ZFHX3: variants seen among roughly 807,000 people sequenced by gnomAD.
ZFHX3 encodes the protein zinc finger homeobox 3, also known as zinc finger homeobox protein 3.
Under a neutral mutation model 279.1 loss-of-function variants are expected in ZFHX3, and 42 were observed. That is an observed-to-expected ratio of 0.15 (90% CI 0.12 to 0.19). The LOEUF is 0.19. Among genes scored for constraint, ZFHX3 ranks in the 10% least tolerant of loss-of-function variants. The pLI, the probability that ZFHX3 is intolerant of heterozygous loss-of-function variation, is 1.00. For synonymous variants in ZFHX3, 2,293 were observed against 1,957.8 expected, an observed-to-expected ratio of 1.17 and a Z score of -4.52; for missense variants, 4,981 against 4,754.0, an observed-to-expected ratio of 1.05 and a Z score of -1.40.
chr16:72,955,527 C>G (rs940269439), intron 2 of ZFHX3, among the ~76,000 whole-genome samples: 2 of 152,144 alleles, frequency 1.3e-5, no homozygotes, highest in African/African-American at 4.8e-5. Context: ...GCCTGTAATC[C>G]CAGCACTTTG....
Position 72,996,292 on chromosome 16 carries a change from A to T in ZFHX3, c.-49-36098T>A, listed in dbSNP as rs61429525. On this transcript the variant is annotated intron_variant, in intron 1 of 9. Transcript: ENST00000268489. Reference sequence around the variant, plus strand: ...AGCAAGACTCCAACATAAAATAAATAAATTAATTAATTAATTCGTTCTTTT... The same window carrying T: ...AGCAAGACTCCAACATAAAATAAATTAATTAATTAATTAATTCGTTCTTTT... Among the ~76,000 whole-genome samples, 669 of 152,284 alleles carry T rather than the reference A, an allele frequency of 4.4e-3. 3 individuals are homozygous for T. Among genetic ancestry groups the T allele is most frequent in the African/African-American group, 0.014 (569 of 41,548 alleles).
At chr16:73,298,339 C>T (rs1292798087) in intron 4 of ZFHX3, among the ~76,000 whole-genome samples, 2 of 151,782 alleles carry the variant, frequency 1.3e-5, no homozygotes, top group Non-Finnish European at 2.9e-5. Context: ...TATGTGCCAC[C>T]ATGCCCGGCT....
intron 2 of ZFHX3, among the ~76,000 whole-genome samples, chr16:73,466,573 C>T: frequency 6.6e-6 from 1 of 152,140 alleles, no homozygotes; most frequent in East Asian, 1.9e-4. Flanking sequence ...TTTCTCTATG[C>T]CTCAGTTTTC....
intron 2 of ZFHX3, among the ~76,000 whole-genome samples, chr16:73,553,455 G>C (rs1051779723): frequency 6.6e-6 from 1 of 152,060 alleles, no homozygotes; most frequent in African/African-American, 2.4e-5. Context: ...GACAGAAAAC[G>C]ATCTCCCTTC....
chr16:73,577,724 T>C (rs2051815405), intron 2 of ZFHX3, among the ~76,000 whole-genome samples: 1 of 152,218 alleles, frequency 6.6e-6, no homozygotes, highest in Non-Finnish European at 1.5e-5. Flanking sequence ...GAAGGAAAAA[T>C]CTAAATTTTT....
rs974279133 is a variant in ZFHX3, at chr16:72,788,944, G to T, written c.9428-96C>A. ...CCGGTGTCACTGGCACACAGTTTGA[G>T]ATGTCAAGGCTTGAAGGATCCTCTC... On this transcript the variant is annotated intron_variant, in intron 9 of 9. Transcript: ENST00000268489. The T allele has an allele frequency of 8.8e-6, 13 of 1,477,816 alleles. No homozygotes were observed. In the African/African-American group the frequency reaches 1.3e-4, roughly 14 times the overall value. The allele number at this position is 1,477,816 out of a possible 1,614,324, so 91.5% of individuals were successfully genotyped here.
intron 6 of ZFHX3, among the ~76,000 whole-genome samples, chr16:73,139,659 G>A (rs1966841306): frequency 6.6e-6 from 1 of 152,212 alleles, no homozygotes; most frequent in East Asian, 1.9e-4. Context: ...TGGGAACAGG[G>A]AGTTGGCTGC....
chr16:73,744,466 C>T (rs1298841194), intron 1 of ZFHX3, among the ~76,000 whole-genome samples: 2 of 152,196 alleles, frequency 1.3e-5, no homozygotes, highest in Non-Finnish European at 2.9e-5. Flanking sequence ...TCCTGCCTCA[C>T]CCTGGTATTT....
chr16:73,266,804 C>G (rs1326529079), intron 4 of ZFHX3, among the ~76,000 whole-genome samples: 1 of 152,232 alleles, frequency 6.6e-6, no homozygotes, highest in Non-Finnish European at 1.5e-5. Context: ...GCTCTCTTGC[C>G]TTCTGCCACA....
chr16:73,533,333 C>T (rs1419829393), intron 2 of ZFHX3, among the ~76,000 whole-genome samples: 1 of 150,850 alleles, frequency 6.6e-6, no homozygotes, highest in Non-Finnish European at 1.5e-5. Flanking sequence ...CATATTCTGC[C>T]TTCTAGTTAC....
chr16:73,378,798 A>G (rs181911151), intron 3 of ZFHX3, among the ~76,000 whole-genome samples: 53 of 152,094 alleles, frequency 3.5e-4, no homozygotes, highest in Middle Eastern at 3.4e-3. Flanking sequence ...TCAGTTTCTT[A>G]TCTCCCTTTA....
chr16:72,819,151 A>T lies in ZFHX3; in HGVS notation c.3530-7113T>A, dbSNP rs145013455. Among the ~76,000 whole-genome samples the T allele has an allele frequency of 2.1e-3, 319 of 152,294 alleles. 9 individuals are homozygous for T. In the East Asian group the frequency reaches 0.057, roughly 27 times the overall value. On this transcript the variant is annotated intron_variant, in intron 5 of 9. Coordinates refer to ENST00000268489, the MANE Select transcript of ZFHX3 (RefSeq NM_006885.4). Reference sequence around the variant, plus strand: ...TTCACCCAGGTGTTACTTATTAAGCAGTTTAGATAAAGATTTCCAGGTCTT... The same window carrying T: ...TTCACCCAGGTGTTACTTATTAAGCTGTTTAGATAAAGATTTCCAGGTCTT...
chr16:73,284,743 G>A (rs185449685), intron 4 of ZFHX3, among the ~76,000 whole-genome samples: 1 of 152,206 alleles, frequency 6.6e-6, no homozygotes, highest in African/African-American at 2.4e-5. Flanking sequence ...CCTTGTTTGG[G>A]AGTTTACTTT....
intron 1 of ZFHX3, chr16:73,796,485 T>C (rs1959992640): frequency 6.6e-6 from 1 of 152,224 alleles, no homozygotes; most frequent in South Asian, 2.1e-4. Flanking sequence ...CTTTGTAGTT[T>C]TCATTTCAGA....
At chr16:72,877,501 A>T (rs1412826192) in intron 4 of ZFHX3, among the ~76,000 whole-genome samples, 1 of 152,184 alleles carries the variant, frequency 6.6e-6, no homozygotes, top group South Asian at 2.1e-4. Flanking sequence ...TAGGAGGAGA[A>T]TCTCAGTTTG....
chr16:73,026,352 G>T (rs1263740387), intron 1 of ZFHX3, among the ~76,000 whole-genome samples: 1 of 150,442 alleles, frequency 6.6e-6, no homozygotes, highest in Non-Finnish European at 1.5e-5. Context: ...CAGGCTGGGG[G>T]GCAGAGCAAG....
At chr16:73,294,491 G>C (rs2014853965) in intron 4 of ZFHX3, among the ~76,000 whole-genome samples, 2 of 152,236 alleles carry the variant, frequency 1.3e-5, no homozygotes, top group Admixed American at 6.5e-5. Flanking sequence ...AATACAAGAA[G>C]ATGGTGCTCA....
At chr16:73,275,951 C>A (rs2014285340) in intron 4 of ZFHX3, among the ~76,000 whole-genome samples, 1 of 152,024 alleles carries the variant, frequency 6.6e-6, no homozygotes, top group Admixed American at 6.6e-5. Flanking sequence ...TTGCTCCACA[C>A]CTAACTCGAA....
rs2035766511 is a variant in ZFHX3, at chr16:72,793,051, G to A, written c.9427+204C>T. Among the ~76,000 whole-genome samples, 2 of 152,244 alleles carry A rather than the reference G, an allele frequency of 1.3e-5. No individual in the cohort carries two copies. Among genetic ancestry groups the A allele is most frequent in the Admixed American group, 1.3e-4 (2 of 15,284 alleles). On this transcript the variant is annotated intron_variant, in intron 9 of 9. Transcript: ENST00000268489. The surrounding 1 kb of genome is among the most constrained non-coding windows in gnomAD (Gnocchi z 4.3). Reference sequence around the variant, plus strand: ...GATAAGAGTGGTTTCAAAGGAGACTGTTCCGACCAGGAGGTCCCATCCCTG... The same window carrying A: ...GATAAGAGTGGTTTCAAAGGAGACTATTCCGACCAGGAGGTCCCATCCCTG...
Sources: gnomAD v4.1 joint callset for allele counts (sites outside exome capture counted in the v4.1 genomes callset) on GRCh38, gnomAD v4.1.1 for gene constraint, Gnocchi (gnomAD v3.1) non-coding constraint, MANE v1.5 for transcripts, NCBI Gene and HGNC (gene_info 2026-07-23, HGNC 2026-07-21) for gene names.